ERAP1: variants seen among roughly 807,000 people sequenced by gnomAD.
The protein encoded by ERAP1 is endoplasmic reticulum aminopeptidase 1.
A neutral mutation model predicts 103.7 loss-of-function variants in ERAP1; 86 were observed. The observed-to-expected ratio is 0.83, with a 90% confidence interval of 0.70 to 0.99. The LOEUF is 0.99. Ranked by LOEUF, ERAP1 falls within the 50% of genes least tolerant of loss-of-function variation. The pLI is 0.00. For missense variants in ERAP1, 1,009 were observed against 1,128.4 expected (o/e 0.89, Z 1.52); for synonymous variants, 398 against 402.4 (o/e 0.99, Z 0.13).
the ERAP1 span, among the ~76,000 whole-genome samples, chr5:96,859,138 G>A: frequency 4.6e-4 from 69 of 150,260 alleles, no homozygotes; most frequent in African/African-American, 1.7e-3. Flanking sequence ...TCCTTTCCAT[G>A]CCCCTAAGTA....
At chr5:96,868,719 C>A in the ERAP1 span, among the ~76,000 whole-genome samples, 2 of 152,252 alleles carry the variant, frequency 1.3e-5, no homozygotes, top group Middle Eastern at 3.4e-3. Flanking sequence ...CCAATTAATT[C>A]CATTTGGGAA....
the ERAP1 span, chr5:96,902,826 TGA>T: frequency 6.4e-6 from 1 of 155,342 alleles, no homozygotes; most frequent in African/African-American, 2.4e-5. Context: ...ACAGAGTTGT[TGA>T]GAGAATATTA....
chr5:96,902,405 G>A, the ERAP1 span: 2 of 1,150,568 alleles, frequency 1.7e-6, no homozygotes, highest in Non-Finnish European at 2.6e-6. Context: ...TTAAACATGT[G>A]TTGAGCTATT....
At chr5:96,893,071 G>A in the ERAP1 span, among the ~76,000 whole-genome samples, 1 of 152,144 alleles carries the variant, frequency 6.6e-6, no homozygotes. Context: ...AGTTATTAAT[G>A]ATGATGACAA....
At chr5:96,766,039 C>A (rs767181091) in intron 19 of ERAP1, 16 of 1,398,698 alleles carry the variant, frequency 1.1e-5, no homozygotes, top group Non-Finnish European at 1.5e-5. Flanking sequence ...TCTATCTGCT[C>A]ACTGTTGATA....
chr5:96,891,922 A>T, the ERAP1 span, among the ~76,000 whole-genome samples: 2 of 152,160 alleles, frequency 1.3e-5, no homozygotes, highest in African/African-American at 4.8e-5. Flanking sequence ...ACATATTAGA[A>T]ATTATTTGAT....
chr5:96,846,727 T>C, the ERAP1 span, among the ~76,000 whole-genome samples: 1 of 151,936 alleles, frequency 6.6e-6, no homozygotes, highest in East Asian at 1.9e-4. Flanking sequence ...CTCCCAGCAT[T>C]TTCTCCACCA....
rs754397656 is a variant in ERAP1 at position 96,785,779 on chromosome 5, G to C, written c.1943+9C>G. 6.2e-7 allele frequency: 1 copy of C among 1,613,746 alleles called. No individual in the cohort carries two copies. ...GAAATAAACCGCGACTTTGTGCAGC[G>C]TGTATTACCTGACGAGCTGAAATGC... On this transcript the variant is annotated intron_variant, in intron 13 of 18. Transcript: ENST00000443439.
the ERAP1 span, among the ~76,000 whole-genome samples, chr5:96,882,318 G>A: frequency 6.6e-6 from 1 of 152,160 alleles, no homozygotes; most frequent in Admixed American, 6.5e-5. Flanking sequence ...GGAGATGAGA[G>A]GGGGAGATAT....
chr5:96,903,650 A>G, the ERAP1 span: 2 of 1,193,358 alleles, frequency 1.7e-6, no homozygotes, highest in Non-Finnish European at 2.3e-6. Flanking sequence ...AACATTGGTC[A>G]TTGATTTAAT....
At chr5:96,841,276 G>A in the ERAP1 span, among the ~76,000 whole-genome samples, 1 of 152,184 alleles carries the variant, frequency 6.6e-6, no homozygotes, top group Admixed American at 6.5e-5. Context: ...CTGATATTCT[G>A]GGTTGGCGGT....
In ERAP1 at chr5:96,780,463, C is replaced by A; in HGVS notation, c.2630G>T (p.Gly877Val). Reference protein sequence around the residue: ...GSSSIAHMVMGTTNQFSTRTR... With the variant: ...GSSSIAHMVMVTTNQFSTRTR... ...TCTTGTGGAGAATTGATTTGTTGTA[C>A]CCATTACCATGTGGGCTATGGAAGA... The change falls in exon 18 of 19, where the codon GGT becomes GTT. Residue 877 changes from glycine (G) to valine (V), a missense_variant. Gly to Val is a moderately radical substitution (Grantham distance 109). Transcript: ENST00000443439. The A allele has an allele frequency of 6.2e-7, 1 of 1,613,072 alleles. No individual in the cohort carries two copies. The highest frequency in any genetic ancestry group is 1.7e-5 in the Admixed American group (1 of 59,968).
the ERAP1 span, among the ~76,000 whole-genome samples, chr5:96,855,428 C>G: frequency 6.6e-6 from 1 of 152,146 alleles, no homozygotes; most frequent in Non-Finnish European, 1.5e-5. Context: ...GTCTATATCT[C>G]ACACTGGAGA....
intron 4 of ERAP1, among the ~76,000 whole-genome samples, chr5:96,796,640 T>C (rs26499): frequency 0.56 from 84,964 of 151,954 alleles, 23,881 homozygotes; most frequent in South Asian, 0.58. Context: ...GCCAGGATCA[T>C]GACTCAGGCC....
the ERAP1 span, among the ~76,000 whole-genome samples, chr5:96,856,492 A>G: frequency 6.6e-6 from 1 of 150,900 alleles, no homozygotes; most frequent in Non-Finnish European, 1.5e-5. Context: ...TTTGACACCA[A>G]CCTCTGCTTT....
chr5:96,775,370 G>A lies in ERAP1; in HGVS notation c.*1026C>T, dbSNP rs1056017320. On this transcript the variant is annotated 3_prime_UTR_variant, in exon 19 of 19. Transcript: ENST00000443439. Reference sequence around the variant, plus strand: ...TTATTGGTGACTGCAATAATTTACTGTCAGTAAATGCCAATAACTAGTTAG... The same window carrying A: ...TTATTGGTGACTGCAATAATTTACTATCAGTAAATGCCAATAACTAGTTAG... 5.3e-5 allele frequency: 52 copies of A among 984,330 alleles called. 1 individual carries two copies. In the Admixed American group the frequency reaches 3.2e-3, roughly 60 times the overall value. The allele number at this position is 984,330 out of a possible 1,614,324, so 61.0% of individuals were successfully genotyped here. A position where few individuals can be genotyped will look rare whatever the true frequency, so the allele number is the denominator to read the frequency against.
chr5:96,797,691 A>G lies in ERAP1; in HGVS notation c.664-382T>C, dbSNP rs867838971. Among the ~76,000 whole-genome samples, 4 of 152,198 alleles carry G rather than the reference A, an allele frequency of 2.6e-5. No individual in the cohort carries two copies. The South Asian group carries it at 8.3e-4, about 32-fold the overall frequency. On this transcript the variant is annotated intron_variant, in intron 3 of 18. Transcript: ENST00000443439. ...ATGACGCTTCTATAGTTACTTTAAAAGTTATCTTTCCAATGTCTAATTATA... is the reference window on the plus strand; with the variant it reads ...ATGACGCTTCTATAGTTACTTTAAAGGTTATCTTTCCAATGTCTAATTATA...
the ERAP1 span, among the ~76,000 whole-genome samples, chr5:96,835,356 T>C: frequency 6.6e-6 from 1 of 152,156 alleles, no homozygotes; most frequent in Non-Finnish European, 1.5e-5. Flanking sequence ...AAGACACTGC[T>C]CCTTTAAGCC....
At chr5:96,788,387 G>A (rs1190968894) in intron 11 of ERAP1, 144 bp downstream of exon 11, 2 of 972,534 alleles carry the variant, frequency 2.1e-6, no homozygotes, top group Non-Finnish European at 3.1e-6. Context: ...GGGGCAGGGA[G>A]TATAAGTCAA....
Sources: gnomAD v4.1 joint callset for allele counts (sites outside exome capture counted in the v4.1 genomes callset) on GRCh38, gnomAD v4.1.1 for gene constraint, MANE v1.5 for transcripts, NCBI Gene and HGNC (gene_info 2026-07-23, HGNC 2026-07-21) for gene names.